SEPTIN14: variants seen among roughly 807,000 people sequenced by gnomAD.
The protein encoded by SEPTIN14 is septin-14.
Under a neutral mutation model 53.6 loss-of-function variants are expected in SEPTIN14, and 40 were observed. The observed-to-expected ratio is 0.75, with a 90% CI of 0.58 to 0.97. The LOEUF is 0.97. SEPTIN14 is among the 50% of genes least tolerant of loss of function. The pLI is 0.00. For synonymous variants in SEPTIN14, 138 were observed against 166.8 expected, an observed-to-expected ratio of 0.83 and a Z score of 1.33; for missense variants, 471 against 508.2, an observed-to-expected ratio of 0.93 and a Z score of 0.70.
chr7:55,849,123 G>A (rs990907868), intron 2 of SEPTIN14, among the ~76,000 whole-genome samples: 4 of 151,802 alleles, frequency 2.6e-5, no homozygotes, highest in African/African-American at 9.7e-5. Flanking sequence ...TTAGGAGTTC[G>A]AGACCAGCCT....
At chr7:55,801,350 T>G (rs1257114048) in intron 9 of SEPTIN14, among the ~76,000 whole-genome samples, 5 of 151,674 alleles carry the variant, frequency 3.3e-5, no homozygotes, top group Non-Finnish European at 7.4e-5. Context: ...AAATGAAAGG[T>G]GACACATAAC....
At chr7:55,833,782 C>T (rs1168459485) in intron 6 of SEPTIN14, among the ~76,000 whole-genome samples, 2 of 151,922 alleles carry the variant, frequency 1.3e-5, no homozygotes, top group Non-Finnish European at 2.9e-5. Flanking sequence ...AAAATCAAAG[C>T]CCTTACTTAG....
intron 2 of SEPTIN14, among the ~76,000 whole-genome samples, chr7:55,852,874 A>G (rs747328737): frequency 6.6e-6 from 1 of 152,216 alleles, no homozygotes; most frequent in Non-Finnish European, 1.5e-5. Flanking sequence ...AAAAAGTGGC[A>G]AGTGATTGGA....
chr7:55,854,870 A>G (rs979950096), intron 2 of SEPTIN14, among the ~76,000 whole-genome samples: 5 of 152,226 alleles, frequency 3.3e-5, no homozygotes, highest in African/African-American at 1.2e-4. Flanking sequence ...AACATATCAA[A>G]ATTACAAGAT....
intron 2 of SEPTIN14, among the ~76,000 whole-genome samples, chr7:55,855,078 G>A (rs1056837912): frequency 4.0e-5 from 6 of 149,140 alleles, no homozygotes; most frequent in Admixed American, 3.4e-4. Flanking sequence ...GCACTATCTC[G>A]GCTCACTGCA....
At position 55,844,682 on chromosome 7, in the gene SEPTIN14, G is replaced by A. The variant is rs764039901; in HGVS notation, c.212C>T (p.Thr71Ile). The A allele has an allele frequency of 1.9e-6, 3 of 1,604,082 alleles. No individual in the cohort carries two copies. Among genetic ancestry groups the A allele is most frequent in the Non-Finnish European group, 1.7e-6 (2 of 1,173,164 alleles). Residue 71 changes from threonine (T) to isoleucine (I), a missense_variant, in exon 4 of 10, where the codon ACA becomes ATA. By Grantham distance (89) the Thr-to-Ile change is moderately conservative. Transcript: ENST00000388975. ...TGIGKSTLID[T>I]LFNTNLKDNK... ...ATCTTTCAAGTTAGTATTAAACAAT[G>A]TGTCTATCAGTGTCGATTTTCCAAT... is the stretch of plus-strand genomic sequence containing the variant.
At chr7:55,803,120 T>A (rs1449899461) in intron 9 of SEPTIN14, among the ~76,000 whole-genome samples, 1 of 152,122 alleles carries the variant, frequency 6.6e-6, no homozygotes. Context: ...GTATTTTTAA[T>A]AGAGACAAGG....
At chr7:55,832,046 A>G (rs1312757603) in intron 6 of SEPTIN14, among the ~76,000 whole-genome samples, 1 of 152,158 alleles carries the variant, frequency 6.6e-6, no homozygotes, top group African/African-American at 2.4e-5. Context: ...TACCAAAAAT[A>G]CAAAAATTAG....
chr7:55,839,602 A>G (rs1188483650), intron 5 of SEPTIN14, among the ~76,000 whole-genome samples: 1 of 152,122 alleles, frequency 6.6e-6, no homozygotes, highest in Non-Finnish European at 1.5e-5. Flanking sequence ...TATGCATAGA[A>G]AAAAACAGTA....
intron 6 of SEPTIN14, among the ~76,000 whole-genome samples, chr7:55,830,344 TA>T (rs1348200065): frequency 0.1 from 3,580 of 35,092 alleles, 133 homozygotes; most frequent in Non-Finnish European, 0.11. Flanking sequence ...TATATATATA[TA>T]TATATTTTTT....
At chr7:55,847,319 T>C (rs1336864450) in intron 2 of SEPTIN14, among the ~76,000 whole-genome samples, 1 of 152,030 alleles carries the variant, frequency 6.6e-6, no homozygotes, top group Non-Finnish European at 1.5e-5. Flanking sequence ...GAAAAAAACT[T>C]TAACATCCTT....
At chr7:55,820,663 G>A (rs558846485) in intron 6 of SEPTIN14, among the ~76,000 whole-genome samples, 13 of 152,214 alleles carry the variant, frequency 8.5e-5, no homozygotes, top group African/African-American at 3.1e-4. Context: ...CTTTCGGCTG[G>A]GCATGGTGGC....
At chr7:55,843,756 C>A (rs143174350) in intron 4 of SEPTIN14, among the ~76,000 whole-genome samples, 15 of 152,318 alleles carry the variant, frequency 9.8e-5, no homozygotes, top group African/African-American at 3.1e-4. Context: ...AGCATGAACC[C>A]AGGAGACAAA....
At chr7:55,833,761 G>GAA (rs144548557) in intron 6 of SEPTIN14, among the ~76,000 whole-genome samples, 2 of 151,680 alleles carry the variant, frequency 1.3e-5, no homozygotes, top group Non-Finnish European at 2.9e-5. Context: ...TTGATTTGGG[G>GAA]AAAAAAACTC....
chr7:55,805,457 C>T (rs1224799527), intron 8 of SEPTIN14, 67 bp from the exon 9 acceptor site: 8 of 1,205,308 alleles, frequency 6.6e-6, no homozygotes, highest in African/African-American at 6.3e-5. Context: ...ACCCAGGAGG[C>T]GGAGTTTGCA....
At chr7:55,805,204 A>T (rs1788592180) in intron 9 of SEPTIN14, 54 bp downstream of exon 9, 2 of 1,513,382 alleles carry the variant, frequency 1.3e-6, no homozygotes, top group Admixed American at 1.9e-5. Context: ...AAACCCCCAA[A>T]TTAATAGGGC....
intron 5 of SEPTIN14, among the ~76,000 whole-genome samples, chr7:55,835,825 G>A (rs1789196200): frequency 6.6e-6 from 1 of 151,956 alleles, no homozygotes; most frequent in African/African-American, 2.4e-5. Context: ...TCAGGGCAAC[G>A]TCTGCCTCCC....
At chr7:55,842,470 G>A (rs1013058389) in intron 5 of SEPTIN14, among the ~76,000 whole-genome samples, 2 of 151,762 alleles carry the variant, frequency 1.3e-5, no homozygotes, top group South Asian at 4.2e-4. Context: ...GCCAATCTTG[G>A]TAGCACACTC....
chr7:55,805,484 C>T, intron 8 of SEPTIN14, 94 bp from the exon 9 acceptor site: 1 of 823,384 alleles, frequency 1.2e-6, no homozygotes, highest in Non-Finnish European at 1.9e-6. Flanking sequence ...CAAAATCGTG[C>T]CACTGCACGT....
Sources: allele counts gnomAD v4.1 joint callset (sites outside exome capture counted in the v4.1 genomes callset), GRCh38; gene constraint gnomAD v4.1.1; transcripts MANE v1.5; gene names NCBI Gene and HGNC (gene_info 2026-07-23, HGNC 2026-07-21).